Variants in VAV3 observed in about 807,000 individuals in gnomAD.
VAV3 encodes the protein guanine nucleotide exchange factor VAV3.
In VAV3, 94 loss-of-function variants were observed where a neutral mutation model predicts 131.2. That is an observed-to-expected ratio of 0.72 (90% confidence interval 0.61 to 0.85). The LOEUF (loss-of-function observed/expected upper bound fraction) is 0.85, where lower values mean the gene tolerates loss of function less well. Among genes scored for constraint, VAV3 ranks in the 40% least tolerant of loss-of-function variants. VAV3 has a pLI of 0.00. For missense variants in VAV3, 939 were observed against 1,002.7 expected (o/e 0.94, Z 0.86); for synonymous variants, 349 against 342.0 (o/e 1.02, Z -0.22).
chr1:107,722,832 T>C (rs1353931750), intron 15 of VAV3, among the ~76,000 whole-genome samples: 1 of 78,900 alleles, frequency 1.3e-5, no homozygotes, highest in Admixed American at 1.8e-4. Context: ...AAAGCCCTAT[T>C]ATCCTCTCTT....
chr1:107,665,769 G>A (rs2101646687), intron 19 of VAV3, among the ~76,000 whole-genome samples: 1 of 152,280 alleles, frequency 6.6e-6, no homozygotes, highest in South Asian at 2.1e-4. Context: ...CCAGAGGGAG[G>A]AGGGATCTCT....
intron 2 of VAV3, among the ~76,000 whole-genome samples, chr1:107,833,330 C>A (rs1668336074): frequency 6.6e-6 from 1 of 152,220 alleles, no homozygotes; most frequent in Non-Finnish European, 1.5e-5. Context: ...AAGGCCCTAA[C>A]TCTCTTCCAT....
chr1:107,662,349 A>G (rs1300181122), intron 19 of VAV3, among the ~76,000 whole-genome samples: 4 of 152,162 alleles, frequency 2.6e-5, no homozygotes, highest in Admixed American at 2.0e-4. Flanking sequence ...ACAAAAGAAT[A>G]CTGTCTCAAT....
chr1:107,641,261 G>A (rs553037942), intron 20 of VAV3, among the ~76,000 whole-genome samples: 2 of 152,278 alleles, frequency 1.3e-5, no homozygotes, highest in Non-Finnish European at 2.9e-5. Context: ...TAAAATAGAT[G>A]TAAGCAAATA....
chr1:107,887,803 T>C (rs1671110159), intron 1 of VAV3, among the ~76,000 whole-genome samples: 1 of 152,128 alleles, frequency 6.6e-6, no homozygotes, highest in African/African-American at 2.4e-5. Context: ...GACCCACAGG[T>C]GCTTTGATCT....
intron 2 of VAV3, among the ~76,000 whole-genome samples, chr1:107,809,502 C>A (rs1667217443): frequency 6.6e-6 from 1 of 152,072 alleles, no homozygotes; most frequent in Non-Finnish European, 1.5e-5. Flanking sequence ...AGTCAAATTG[C>A]AAATATTTTA....
chr1:107,575,250 T>C (rs774931954), intron 25 of VAV3, among the ~76,000 whole-genome samples: 1 of 152,130 alleles, frequency 6.6e-6, no homozygotes, highest in Non-Finnish European at 1.5e-5. Context: ...TTGGTGAAAC[T>C]TTATAAATCT....
In VAV3 at chr1:107,783,820, G is replaced by A. The variant is rs988360439; in HGVS notation, c.322-4328C>T. Among the ~76,000 whole-genome samples the A allele has an allele frequency of 4.6e-5, 7 of 151,656 alleles. No homozygotes were observed. The South Asian group carries it at 6.3e-4, about 14-fold the overall frequency. ...TCCCAGCACTTTGGGAGGCTGAGGC[G>A]GGCAGATCACGAGATCAGGAGATCG... On this transcript the variant is annotated intron_variant, in intron 2 of 26. Coordinates refer to ENST00000370056, the MANE Select transcript of VAV3 (RefSeq NM_006113.5).
chr1:107,728,131 T>C (rs1661964590), intron 15 of VAV3, among the ~76,000 whole-genome samples: 1 of 152,150 alleles, frequency 6.6e-6, no homozygotes, highest in Admixed American at 6.5e-5. Flanking sequence ...CTATTGCTAA[T>C]ATCCACTGGA....
chr1:107,593,178 C>A (rs1651102196), intron 25 of VAV3, among the ~76,000 whole-genome samples: 1 of 152,118 alleles, frequency 6.6e-6, no homozygotes. Context: ...ACTTTGGACA[C>A]TTGCTTAATT....
At chr1:107,961,054 G>T (rs1287202030) in intron 1 of VAV3, among the ~76,000 whole-genome samples, 1 of 152,098 alleles carries the variant, frequency 6.6e-6, no homozygotes, top group Non-Finnish European at 1.5e-5. Context: ...GTCCAAGACA[G>T]TGTCTAAAAC....
intron 1 of VAV3, among the ~76,000 whole-genome samples, chr1:107,900,333 C>T (rs1671793466): frequency 6.6e-6 from 1 of 152,162 alleles, no homozygotes; most frequent in African/African-American, 2.4e-5. Context: ...CACCCCTTAC[C>T]ACTGCATGCA....
chr1:107,729,292 G>A (rs560007981), intron 15 of VAV3, among the ~76,000 whole-genome samples: 146 of 152,240 alleles, frequency 9.6e-4, no homozygotes, highest in African/African-American at 3.4e-3. Context: ...AGATCCCTGA[G>A]TTCATTCTGA....
chr1:107,719,837 A>G (rs1219648044), intron 15 of VAV3, among the ~76,000 whole-genome samples: 1 of 152,260 alleles, frequency 6.6e-6, no homozygotes, highest in Non-Finnish European at 1.5e-5. Context: ...AGACTGGATT[A>G]AGAAAATGTG....
At chr1:107,763,653 C>T (rs776467650) in intron 9 of VAV3, among the ~76,000 whole-genome samples, 5 of 152,122 alleles carry the variant, frequency 3.3e-5, no homozygotes, top group Non-Finnish European at 7.3e-5. Flanking sequence ...TTAGGGGTGA[C>T]TCAAACTACC....
intron 19 of VAV3, among the ~76,000 whole-genome samples, chr1:107,651,883 G>A (rs1395061832): frequency 2.0e-5 from 3 of 151,798 alleles, no homozygotes; most frequent in South Asian, 2.1e-4. Flanking sequence ...ATATTTTCTG[G>A]CACCTGATAA....
intron 1 of VAV3, among the ~76,000 whole-genome samples, chr1:107,963,080 A>T (rs1464681995): frequency 1.3e-5 from 2 of 152,200 alleles, no homozygotes; most frequent in African/African-American, 4.8e-5. Flanking sequence ...CATTGTTAGC[A>T]TTCAAATAAA....
chr1:107,891,578 C>T (rs1449751289), intron 1 of VAV3, among the ~76,000 whole-genome samples: 1 of 151,668 alleles, frequency 6.6e-6, no homozygotes, highest in Non-Finnish European at 1.5e-5. Context: ...GTAGCTCATG[C>T]CTGTAAACCC....
intron 1 of VAV3, among the ~76,000 whole-genome samples, chr1:107,946,088 G>T (rs985444492): frequency 1.3e-5 from 2 of 152,032 alleles, no homozygotes; most frequent in African/African-American, 2.4e-5. Flanking sequence ...GGGTTCACTC[G>T]ATAAGATTAA....
Sources: allele counts gnomAD v4.1 joint callset (sites outside exome capture counted in the v4.1 genomes callset), GRCh38; gene constraint gnomAD v4.1.1; transcripts MANE v1.5; gene names NCBI Gene and HGNC (gene_info 2026-07-23, HGNC 2026-07-21).